Variants in PTPRM observed in about 807,000 individuals in gnomAD.
The protein encoded by PTPRM is receptor-type tyrosine-protein phosphatase mu.
Under a neutral mutation model 186.7 loss-of-function variants are expected in PTPRM, and 47 were observed. That is an observed-to-expected ratio of 0.25 (90% CI 0.20 to 0.32). PTPRM has a LOEUF of 0.32. Among genes scored for constraint, PTPRM ranks in the 10% least tolerant of loss-of-function variants. The pLI, the probability that PTPRM is intolerant of heterozygous loss-of-function variation, is 1.00. For missense variants in PTPRM, 1,494 were observed against 1,865.0 expected (o/e 0.80, Z 3.66); for synonymous variants, 668 against 674.9 (o/e 0.99, Z 0.16).
At chr18:8,099,265 G>A (rs1282407126) in intron 11 of PTPRM, among the ~76,000 whole-genome samples, 1 of 151,742 alleles carries the variant, frequency 6.6e-6, no homozygotes, top group Non-Finnish European at 1.5e-5. Flanking sequence ...GTGTCCTGCA[G>A]CTCTCCCAGA....
At chr18:8,245,930 T>C (rs1265100594) in intron 15 of PTPRM, among the ~76,000 whole-genome samples, 1 of 152,222 alleles carries the variant, frequency 6.6e-6, no homozygotes, top group Non-Finnish European at 1.5e-5. Context: ...AATCCAAAAA[T>C]GTTCATGTAC....
intron 1 of PTPRM, among the ~76,000 whole-genome samples, chr18:7,642,185 T>A (rs1227411794): frequency 6.6e-6 from 1 of 152,226 alleles, no homozygotes; most frequent in African/African-American, 2.4e-5. Flanking sequence ...GAGAGTGCCC[T>A]TAAACTGTAT....
intron 7 of PTPRM, among the ~76,000 whole-genome samples, chr18:8,067,382 A>T (rs965823453): frequency 3.3e-5 from 5 of 152,202 alleles, no homozygotes; most frequent in African/African-American, 9.7e-5. Context: ...ATTTCTAAAT[A>T]ATTTATTTAT....
intron 19 of PTPRM, among the ~76,000 whole-genome samples, chr18:8,261,521 A>G (rs2094631248): frequency 6.6e-6 from 1 of 152,166 alleles, no homozygotes; most frequent in Admixed American, 6.5e-5. Context: ...AAATAATGCA[A>G]TAGAGAGTTG....
At chr18:8,356,363 G>T (rs1043565891) in intron 23 of PTPRM, among the ~76,000 whole-genome samples, 1 of 152,218 alleles carries the variant, frequency 6.6e-6, no homozygotes, top group African/African-American at 2.4e-5. Flanking sequence ...TTGGGAAGTG[G>T]ACGGAGTCTT....
intron 20 of PTPRM, among the ~76,000 whole-genome samples, chr18:8,300,242 T>C (rs2095141970): frequency 6.6e-6 from 1 of 152,106 alleles, no homozygotes. Flanking sequence ...GGAAAAGACC[T>C]CTCAGGCAAA....
chr18:8,141,390 C>G (rs2092763639), intron 13 of PTPRM, among the ~76,000 whole-genome samples: 1 of 152,156 alleles, frequency 6.6e-6, no homozygotes, highest in Non-Finnish European at 1.5e-5. Context: ...ATTCCCTTGA[C>G]CTGCAATGTG....
intron 25 of PTPRM, 35 bp downstream of exon 25, chr18:8,376,235 C>T: frequency 6.2e-7 from 1 of 1,600,472 alleles, no homozygotes; most frequent in South Asian, 1.1e-5. Context: ...GAAGGAAACG[C>T]AGTGGGTGAT....
chr18:7,842,947 T>TATATATATATATATATATAGAGAGAG (rs370746043), intron 2 of PTPRM, among the ~76,000 whole-genome samples: 2 of 112,116 alleles, frequency 1.8e-5, no homozygotes, highest in East Asian at 6.2e-4. Flanking sequence ...TATATATATA[T>TATATATATATATATATATAGAGAGAG]AGAGAGAGAG....
chr18:8,259,509 C>T (rs1439337346), intron 19 of PTPRM, among the ~76,000 whole-genome samples: 3 of 147,312 alleles, frequency 2.0e-5, no homozygotes, highest in Non-Finnish European at 1.5e-5. Context: ...CTTATCCTTC[C>T]CCCGTTTTCT....
rs372118345 is a variant in PTPRM at position 8,378,968 on chromosome 18, T to C, written c.3613-199T>C. Reference sequence around the variant, plus strand: ...CCCTTACGCCTCTGCCTCTGGCCCCTGTGTCTGATGGGCACTGTCAGTGGA... The same window carrying C: ...CCCTTACGCCTCTGCCTCTGGCCCCCGTGTCTGATGGGCACTGTCAGTGGA... On this transcript the variant is annotated intron_variant, in intron 27 of 32. Coordinates refer to ENST00000580170, the MANE Select transcript of PTPRM (RefSeq NM_001105244.2). 1.6e-4 allele frequency among the ~76,000 whole-genome samples: 25 copies of C among 152,104 alleles called. No individual in the cohort carries two copies. In the East Asian group the frequency reaches 3.9e-3, roughly 24 times the overall value.
intron 11 of PTPRM, among the ~76,000 whole-genome samples, chr18:8,091,975 G>T (rs1568327007): frequency 6.6e-6 from 1 of 152,236 alleles, no homozygotes; most frequent in South Asian, 2.1e-4. Flanking sequence ...ACATCTGTTT[G>T]CTTTCCTGGA....
At chr18:7,739,506 T>C (rs1181062359) in intron 1 of PTPRM, among the ~76,000 whole-genome samples, 1 of 152,220 alleles carries the variant, frequency 6.6e-6, no homozygotes, top group African/African-American at 2.4e-5. Flanking sequence ...TATTCCAATA[T>C]CAAACAGAAA....
At chr18:8,374,949 A>G (rs2095685960) in intron 24 of PTPRM, among the ~76,000 whole-genome samples, 1 of 152,230 alleles carries the variant, frequency 6.6e-6, no homozygotes, top group South Asian at 2.1e-4. Flanking sequence ...ATACAATAAA[A>G]CCAAATGCAG....
At chr18:8,183,953 GA>G (rs2093610709) in intron 14 of PTPRM, among the ~76,000 whole-genome samples, 1 of 152,170 alleles carries the variant, frequency 6.6e-6, no homozygotes, top group African/African-American at 2.4e-5. Flanking sequence ...CTGGGTCTGT[GA>G]AGGATGACTT....
chr18:8,197,373 T>G (rs1475957522), intron 14 of PTPRM, among the ~76,000 whole-genome samples: 2 of 152,194 alleles, frequency 1.3e-5, no homozygotes, highest in Non-Finnish European at 2.9e-5. Context: ...TACATACAAA[T>G]TTCAATGTGG....
intron 5 of PTPRM, among the ~76,000 whole-genome samples, chr18:7,933,956 A>T (rs2146883848): frequency 6.6e-6 from 1 of 152,280 alleles, no homozygotes; most frequent in East Asian, 1.9e-4. Flanking sequence ...ATCTTTCCTA[A>T]ATCTTCATTT....
At chr18:7,627,128 C>T (rs1362414563) in intron 1 of PTPRM, among the ~76,000 whole-genome samples, 6 of 152,098 alleles carry the variant, frequency 3.9e-5, no homozygotes, top group African/African-American at 1.2e-4. Context: ...ATGAGAATCC[C>T]CTGTGGAAGT....
chr18:7,636,153 G>T (rs1006678699), intron 1 of PTPRM, among the ~76,000 whole-genome samples: 5 of 151,884 alleles, frequency 3.3e-5, no homozygotes, highest in Non-Finnish European at 5.9e-5. Context: ...CTGGGAGCTG[G>T]CAGCCAGCCT....
Sources: allele counts gnomAD v4.1 joint callset (sites outside exome capture counted in the v4.1 genomes callset), GRCh38; gene constraint gnomAD v4.1.1; transcripts MANE v1.5; gene names NCBI Gene and HGNC (gene_info 2026-07-23, HGNC 2026-07-21).